The following FARP2 variants were observed in gnomAD, a reference collection of about 807,000 sequenced individuals.
The protein encoded by FARP2 is FERM, ARHGEF and pleckstrin domain-containing protein 2.
In FARP2, 111 loss-of-function variants were observed where a neutral mutation model predicts 130.5. The ratio of observed to expected loss-of-function variants is 0.85; its 90% CI spans 0.73 to 1.00. The LOEUF (loss-of-function observed/expected upper bound fraction) is 1.00. FARP2 is among the 50% of genes least tolerant of loss of function. The pLI, the probability that FARP2 is intolerant of heterozygous loss-of-function variation, is 0.00. For missense variants in FARP2, 1,385 were observed against 1,346.3 expected, an observed-to-expected ratio of 1.03 and a Z score of -0.45; for synonymous variants, 504 against 516.9, an observed-to-expected ratio of 0.98 and a Z score of 0.34.
chr2:241,403,807 T>G, intron 2 of FARP2, 21 bp from the exon 3 acceptor site: 1 of 1,523,218 alleles, frequency 6.6e-7, no homozygotes, highest in Non-Finnish European at 9.1e-7. Flanking sequence ...CTTGTTATTT[T>G]TCCCATCTCT....
intron 1 of FARP2, among the ~76,000 whole-genome samples, chr2:241,356,636 G>T (rs1304939989): frequency 2.0e-5 from 3 of 152,184 alleles, no homozygotes; most frequent in Non-Finnish European, 4.4e-5. Flanking sequence ...GGTGGGCCGG[G>T]GAGTGGCCCG....
Position 241,468,211 on chromosome 2 carries a change from G to A in FARP2, c.1965G>A (p.Lys655=), listed in dbSNP as rs778403490. 2.5e-6 allele frequency: 4 copies of A among 1,614,198 alleles called. No homozygotes were observed. Among genetic ancestry groups the A allele is most frequent in the Non-Finnish European group, 2.5e-6 (3 of 1,180,034 alleles). Residue 655 remains lysine, a synonymous_variant, in exon 18 of 27, where the codon AAG becomes AAA. Coordinates refer to ENST00000264042, the MANE Select transcript of FARP2 (RefSeq NM_014808.4). ...TGGAAAAGGCTACCAAACGCTGTAA[G>A]AAGTTGGAGGCAGTGTACAAGGAGT... is the stretch of plus-strand genomic sequence containing the variant. The part of the protein sequence containing the change: ...TELEKATKRC[K]KLEAVYKEFE...
Position 241,364,272 on chromosome 2 carries a change from A to G in FARP2, c.-25+7884A>G, listed in dbSNP as rs2061255338. Reference sequence around the variant, plus strand: ...GGCCATGAGCCAAGGAATGAGAATGACAAACAGCTGACAGCCAGCAAGAAC... The same window carrying G: ...GGCCATGAGCCAAGGAATGAGAATGGCAAACAGCTGACAGCCAGCAAGAAC... On this transcript the variant is annotated intron_variant, in intron 1 of 26. Transcript: ENST00000264042. 2.6e-5 allele frequency among the ~76,000 whole-genome samples: 4 copies of G among 152,220 alleles called. No individual in the cohort carries two copies. In the South Asian group the frequency reaches 6.2e-4, roughly 24 times the overall value.
At chr2:241,451,580 A>G (rs1281795931) in intron 13 of FARP2, among the ~76,000 whole-genome samples, 1 of 151,822 alleles carries the variant, frequency 6.6e-6, no homozygotes, top group Non-Finnish European at 1.5e-5. Context: ...TATAAAAGGG[A>G]CTCTCGAAAC....
intron 2 of FARP2, among the ~76,000 whole-genome samples, chr2:241,388,753 A>G (rs942213873): frequency 3.3e-5 from 5 of 152,048 alleles, no homozygotes; most frequent in Non-Finnish European, 5.9e-5. Context: ...GCTTAAGCCC[A>G]GGAGATCAAG....
At chr2:241,445,774 A>G (rs1033789193) in intron 13 of FARP2, 5 of 152,234 alleles carry the variant, frequency 3.3e-5, no homozygotes, top group African/African-American at 9.7e-5. Context: ...CTCTCAATCT[A>G]TTGATCTCCT....
In FARP2 at chr2:241,479,136, C is replaced by T. The variant is rs141523955; in HGVS notation, c.2262+3149C>T. 573 of 418,590 alleles carry T rather than the reference C, an allele frequency of 1.4e-3. 1 individual carries two copies. The highest frequency in any genetic ancestry group is 3.0e-3 in the Admixed American group (74 of 24,432). The allele number at this position is 418,590 out of a possible 1,614,324, so 25.9% of individuals were successfully genotyped here. ...TCTGGGTGTGAATCCTTTTGTGCTT[C>T]TGAGGTGGGTGGTGAGAGACAGGTC... is the stretch of plus-strand genomic sequence containing the variant. On this transcript the variant is annotated intron_variant, in intron 19 of 26. Transcript: ENST00000264042.
At chr2:241,410,958 C>G in intron 5 of FARP2, 75 bp from the exon 6 acceptor site, 1 of 1,032,306 alleles carries the variant, frequency 9.7e-7, no homozygotes, top group Non-Finnish European at 1.5e-6. Context: ...TGCTGTCTTG[C>G]TGTGGAGACA....
At chr2:241,383,048 T>G (rs1405541369) in intron 2 of FARP2, among the ~76,000 whole-genome samples, 1 of 152,150 alleles carries the variant, frequency 6.6e-6, no homozygotes, top group East Asian at 1.9e-4. Flanking sequence ...AAGGAAAGGA[T>G]AGAAAAATTA....
chr2:241,407,007 A>G (rs925284281), intron 4 of FARP2, among the ~76,000 whole-genome samples: 2 of 150,848 alleles, frequency 1.3e-5, no homozygotes, highest in African/African-American at 4.9e-5. Context: ...ACGGGGTTTC[A>G]CTGTGTTGGC....
intron 17 of FARP2, chr2:241,465,632 C>T: frequency 6.4e-7 from 1 of 1,550,816 alleles, no homozygotes; most frequent in South Asian, 1.2e-5. Context: ...AGGGGTCTCA[C>T]TCTTGCTTAA....
In FARP2 at chr2:241,470,077, G is replaced by T. The variant is rs535914213; in HGVS notation, c.2131+1700G>T. ...TCCATGACCCCACTCTCCAAATGTG[G>T]GACACAGGAATGCTTGTCAAGAAGG... On this transcript the variant is annotated intron_variant, in intron 18 of 26. Transcript: ENST00000264042. Among the ~76,000 whole-genome samples, 5 of 152,274 alleles carry T rather than the reference G, an allele frequency of 3.3e-5. No homozygotes were observed. The South Asian group carries it at 1.0e-3, about 32-fold the overall frequency.
chr2:241,361,477 G>A (rs1361113505), intron 1 of FARP2, among the ~76,000 whole-genome samples: 1 of 152,158 alleles, frequency 6.6e-6, no homozygotes, highest in African/African-American at 2.4e-5. Context: ...CACCTCCCAA[G>A]CTACCTGACA....
At chr2:241,447,789 G>C (rs1036717110) in intron 13 of FARP2, among the ~76,000 whole-genome samples, 2 of 152,188 alleles carry the variant, frequency 1.3e-5, no homozygotes, top group African/African-American at 2.4e-5. Flanking sequence ...CTGCGGGGGT[G>C]GGGGCAGGGC....
At chr2:241,451,958 C>A (rs548742839) in intron 13 of FARP2, among the ~76,000 whole-genome samples, 3 of 152,220 alleles carry the variant, frequency 2.0e-5, no homozygotes, top group East Asian at 3.9e-4. Context: ...TTTCACCATG[C>A]TGGCCAGGCT....
chr2:241,378,089 AT>A (rs963809691), intron 2 of FARP2, among the ~76,000 whole-genome samples: 1 of 151,638 alleles, frequency 6.6e-6, no homozygotes, highest in African/African-American at 2.4e-5. Context: ...TTGAGATGAT[AT>A]TTTTATTTTT....
intron 12 of FARP2, 122 bp from the exon 13 acceptor site, chr2:241,441,182 T>C: frequency 3.5e-6 from 3 of 863,692 alleles, no homozygotes; most frequent in Non-Finnish European, 5.4e-6. Flanking sequence ...GAATTGCCCA[T>C]TTTCATGAAA....
At chr2:241,425,300 G>A (rs1396208662) in intron 8 of FARP2, among the ~76,000 whole-genome samples, 4 of 152,058 alleles carry the variant, frequency 2.6e-5, no homozygotes, top group Non-Finnish European at 5.9e-5. Flanking sequence ...AATGCCAAAA[G>A]CAATTGCAAC....
At chr2:241,392,055 A>G (rs2061918099) in intron 2 of FARP2, among the ~76,000 whole-genome samples, 1 of 152,240 alleles carries the variant, frequency 6.6e-6, no homozygotes, top group African/African-American at 2.4e-5. Context: ...AAGTTGAAAG[A>G]GGCCTTCTCT....
Sources: allele counts gnomAD v4.1 joint callset (sites outside exome capture counted in the v4.1 genomes callset), GRCh38; gene constraint gnomAD v4.1.1; transcripts MANE v1.5; gene names NCBI Gene and HGNC (gene_info 2026-07-23, HGNC 2026-07-21).